The following NTRK3 variants were observed in gnomAD, a reference collection of about 807,000 sequenced individuals.
The protein encoded by NTRK3 is NT-3 growth factor receptor.
Under a neutral mutation model 91.7 loss-of-function variants are expected in NTRK3, and 24 were observed. The observed-to-expected ratio is 0.26, with a 90% CI of 0.19 to 0.37. NTRK3 has a LOEUF of 0.37. Ranked by LOEUF, NTRK3 falls within the 10% of genes least tolerant of loss-of-function variation. The pLI, the probability that NTRK3 is intolerant of heterozygous loss-of-function variation, is 1.00. For missense variants in NTRK3, 880 were observed against 1,068.9 expected, an observed-to-expected ratio of 0.82 and a Z score of 2.46; for synonymous variants, 483 against 404.0, an observed-to-expected ratio of 1.20 and a Z score of -2.34.
chr15:87,941,234 T>C (rs149448492), intron 14 of NTRK3, among the ~76,000 whole-genome samples: 7 of 152,268 alleles, frequency 4.6e-5, no homozygotes, highest in South Asian at 2.1e-4. Context: ...CAGGGTACGA[T>C]TGAGAATCAG....
chr15:88,163,119 G>A (rs964870701), intron 5 of NTRK3, among the ~76,000 whole-genome samples: 2 of 152,070 alleles, frequency 1.3e-5, no homozygotes, highest in East Asian at 1.9e-4. Context: ...ACTCCATGTC[G>A]GGTAGGTGCC....
At chr15:88,105,566 G>A (rs896494578) in intron 13 of NTRK3, among the ~76,000 whole-genome samples, 7 of 152,104 alleles carry the variant, frequency 4.6e-5, no homozygotes, top group Non-Finnish European at 1.0e-4. Flanking sequence ...TTCCACATAC[G>A]CTGCTTCTCT....
chr15:87,914,112 T>G (rs936792193), intron 17 of NTRK3, among the ~76,000 whole-genome samples: 5 of 152,222 alleles, frequency 3.3e-5, no homozygotes, highest in Admixed American at 1.3e-4. Context: ...TCTTCTAACA[T>G]CCTTGCCCTG....
intron 17 of NTRK3, among the ~76,000 whole-genome samples, chr15:87,910,479 G>A (rs2067022304): frequency 6.6e-6 from 1 of 152,198 alleles, no homozygotes; most frequent in African/African-American, 2.4e-5. Context: ...AGGAGGCCAT[G>A]GTGAGTTTTA....
chr15:88,247,612 C>T (rs756315050), intron 3 of NTRK3, among the ~76,000 whole-genome samples: 2 of 152,188 alleles, frequency 1.3e-5, no homozygotes, highest in African/African-American at 4.8e-5. Context: ...AGTGACCCTA[C>T]GGGGGTGCCG....
At chr15:88,204,043 G>A (rs966315498) in intron 3 of NTRK3, among the ~76,000 whole-genome samples, 1 of 152,070 alleles carries the variant, frequency 6.6e-6, no homozygotes, top group Non-Finnish European at 1.5e-5. Context: ...CTCCCCACCT[G>A]CCAACAGGCC....
chr15:87,876,353 G>A (rs879226582), exon 19 of NTRK3: 5 of 230,100 alleles, frequency 2.2e-5, no homozygotes, highest in South Asian at 3.6e-4. Flanking sequence ...GTGGAGGCAA[G>A]GACCCTGCTC....
chr15:88,011,784 A>C (rs2141771364), intron 14 of NTRK3, among the ~76,000 whole-genome samples: 1 of 152,288 alleles, frequency 6.6e-6, no homozygotes, highest in South Asian at 2.1e-4. Flanking sequence ...GCACAGCCAG[A>C]TACTGCCCCT....
In NTRK3 at chr15:88,233,142, A is replaced by T. The variant is rs1342703734; in HGVS notation, c.248+22764T>A. On this transcript the variant is annotated intron_variant, in intron 3 of 18. Coordinates refer to ENST00000394480, the Ensembl canonical transcript of NTRK3. The surrounding 1 kb of genome is among the most constrained non-coding windows in gnomAD (Gnocchi z 4.2). Reference sequence around the variant, plus strand: ...ATGGGGCAGAGAGAATCTATTTCGGAGCCACCCCAGGCTATTTTCCTCTGG... The same window carrying T: ...ATGGGGCAGAGAGAATCTATTTCGGTGCCACCCCAGGCTATTTTCCTCTGG... Among the ~76,000 whole-genome samples the T allele has an allele frequency of 6.6e-6, 1 of 152,204 alleles. No individual in the cohort carries two copies.
At chr15:88,121,690 C>T (rs1363948013) in intron 13 of NTRK3, among the ~76,000 whole-genome samples, 2 of 152,184 alleles carry the variant, frequency 1.3e-5, no homozygotes, top group Non-Finnish European at 1.5e-5. Context: ...CATGATCTGA[C>T]AATCAAAGAG....
intron 5 of NTRK3, among the ~76,000 whole-genome samples, chr15:88,152,346 T>C (rs923344853): frequency 1.3e-5 from 2 of 152,138 alleles, no homozygotes; most frequent in African/African-American, 2.4e-5. Flanking sequence ...CTAACCCCCA[T>C]TGTGTCTGTA....
intron 14 of NTRK3, among the ~76,000 whole-genome samples, chr15:87,972,756 A>G (rs2141284084): frequency 6.6e-6 from 1 of 152,250 alleles, no homozygotes; most frequent in African/African-American, 2.4e-5. Context: ...TGAAAGTCCC[A>G]CCAGAGCCCT....
intron 13 of NTRK3, among the ~76,000 whole-genome samples, chr15:88,057,196 A>G (rs1340921117): frequency 4.1e-5 from 6 of 148,078 alleles, no homozygotes; most frequent in South Asian, 2.2e-4. Flanking sequence ...AAAAAAGAAA[A>G]AAAGAAATGT....
chr15:88,156,083 C>A (rs1597651617), intron 5 of NTRK3, among the ~76,000 whole-genome samples: 1 of 152,302 alleles, frequency 6.6e-6, no homozygotes, highest in East Asian at 1.9e-4. Context: ...ATTATAAGTT[C>A]TCCAAAGGAA....
intron 13 of NTRK3, among the ~76,000 whole-genome samples, chr15:88,101,503 C>T (rs1200457298): frequency 6.6e-6 from 1 of 152,178 alleles, no homozygotes; most frequent in East Asian, 1.9e-4. Context: ...TTGACCCAGC[C>T]ATCCCATTAC....
At chr15:87,979,063 T>G (rs749457997) in intron 14 of NTRK3, 8 of 527,440 alleles carry the variant, frequency 1.5e-5, no homozygotes, top group Non-Finnish European at 2.4e-5. Flanking sequence ...GTGCACAGGT[T>G]TTTAATTCTC....
At chr15:87,988,984 C>T (rs2075073812) in intron 14 of NTRK3, among the ~76,000 whole-genome samples, 1 of 151,868 alleles carries the variant, frequency 6.6e-6, no homozygotes, top group Non-Finnish European at 1.5e-5. Context: ...GTGGTGCAAT[C>T]TTGGCTCACT....
At chr15:88,195,784 GA>G (rs2047767079) in intron 3 of NTRK3, among the ~76,000 whole-genome samples, 3 of 152,210 alleles carry the variant, frequency 2.0e-5, no homozygotes, top group Admixed American at 2.0e-4. Flanking sequence ...GTCTTGGGGG[GA>G]AAAGCCTGAG....
chr15:88,185,168 A>G (rs140557225), intron 3 of NTRK3, among the ~76,000 whole-genome samples: 206 of 152,332 alleles, frequency 1.4e-3, no homozygotes, highest in African/African-American at 4.8e-3. Flanking sequence ...GGAGGTTTAT[A>G]TCTAGCAAGC....
Sources: gnomAD v4.1 joint callset for allele counts (sites outside exome capture counted in the v4.1 genomes callset) on GRCh38, gnomAD v4.1.1 for gene constraint, Gnocchi (gnomAD v3.1) non-coding constraint, MANE v1.5 for transcripts, NCBI Gene and HGNC (gene_info 2026-07-23, HGNC 2026-07-21) for gene names.